The following MMP26 variants were observed in gnomAD, a reference collection of about 807,000 sequenced individuals.
The protein encoded by MMP26 is matrix metalloproteinase-26.
Under a neutral mutation model 31.0 loss-of-function variants are expected in MMP26, and 33 were observed. That is an observed-to-expected ratio of 1.06 (90% confidence interval 0.81 to 1.42). The LOEUF is 1.42. Among genes scored for constraint, MMP26 ranks in the 40% most tolerant of loss-of-function variants. The pLI is 0.00. For missense variants in MMP26, 347 were observed against 316.1 expected (o/e 1.10, Z -0.74); for synonymous variants, 122 against 114.9 (o/e 1.06, Z -0.40).
rs113134687 is a variant in MMP26, at chr11:4,917,700, C to T, written c.-144-70368C>T. 1.1e-4 allele frequency among the ~76,000 whole-genome samples: 16 copies of T among 152,226 alleles called. 1 individual carries two copies. The highest frequency in any genetic ancestry group is 3.9e-4 in the African/African-American group (16 of 41,550). ...GAAAAGCTGTGATAAACTTACCTGT[C>T]AGGGACAGACAAGCTACATATTGGG... On this transcript the variant is annotated intron_variant, in intron 2 of 7. Transcript: ENST00000380390.
At chr11:4,844,501 C>T (rs912444768) in intron 2 of MMP26, among the ~76,000 whole-genome samples, 4 of 151,990 alleles carry the variant, frequency 2.6e-5, no homozygotes, top group African/African-American at 7.2e-5. Flanking sequence ...AATGTTGATG[C>T]AAAAATCCTC....
At chr11:4,820,342 G>A (rs372625755) in intron 2 of MMP26, among the ~76,000 whole-genome samples, 7 of 152,170 alleles carry the variant, frequency 4.6e-5, no homozygotes, top group African/African-American at 1.7e-4. Context: ...TTATGGATAT[G>A]AAGATAATTG....
At chr11:4,887,708 T>G (rs1170440669) in intron 2 of MMP26, among the ~76,000 whole-genome samples, 1 of 152,110 alleles carries the variant, frequency 6.6e-6, no homozygotes, top group Non-Finnish European at 1.5e-5. Context: ...TCAAAGCAAG[T>G]TGGGAAATGT....
At chr11:4,747,952 CA>C (rs1444285862) in intron 1 of MMP26, among the ~76,000 whole-genome samples, 18 of 151,896 alleles carry the variant, frequency 1.2e-4, no homozygotes, top group African/African-American at 4.3e-4. Flanking sequence ...AAGATCTGAG[CA>C]GAACTAAATG....
At chr11:4,942,786 C>T (rs1202636466) in intron 2 of MMP26, 1 of 152,144 alleles carries the variant, frequency 6.6e-6, no homozygotes. Context: ...GGTACACACA[C>T]ATAGACCCAC....
intron 1 of MMP26, chr11:4,718,547 T>C (rs886868932): frequency 6.5e-6 from 1 of 152,752 alleles, no homozygotes. Context: ...ATTAAATGCA[T>C]AATAAACAAA....
chr11:4,991,736 C>T (rs1847006539), intron 6 of MMP26, among the ~76,000 whole-genome samples: 1 of 152,026 alleles, frequency 6.6e-6, no homozygotes, highest in Non-Finnish European at 1.5e-5. Context: ...TTGCCAGTCC[C>T]TCTTTCTTTC....
intron 2 of MMP26, among the ~76,000 whole-genome samples, chr11:4,771,032 A>G (rs925576264): frequency 1.3e-5 from 2 of 152,166 alleles, no homozygotes; most frequent in Non-Finnish European, 2.9e-5. Flanking sequence ...AAGTATTAGC[A>G]GTGGAGGTAC....
At chr11:4,853,949 A>G (rs999513586) in intron 2 of MMP26, among the ~76,000 whole-genome samples, 1 of 152,240 alleles carries the variant, frequency 6.6e-6, no homozygotes, top group Non-Finnish European at 1.5e-5. Context: ...TGTGGAATTT[A>G]TGCGTAAGTG....
intron 2 of MMP26, among the ~76,000 whole-genome samples, chr11:4,957,601 A>G (rs970237754): frequency 1.3e-5 from 2 of 151,056 alleles, no homozygotes; most frequent in African/African-American, 4.9e-5. Flanking sequence ...TCCACCTTAC[A>G]CTCCCACACC....
intron 2 of MMP26, among the ~76,000 whole-genome samples, chr11:4,901,225 C>T (rs1589933379): frequency 7.7e-6 from 1 of 129,642 alleles, no homozygotes; most frequent in Admixed American, 9.1e-5. Flanking sequence ...GTGGCGTGAT[C>T]TCCGCTCACT....
intron 1 of MMP26, among the ~76,000 whole-genome samples, chr11:4,726,579 C>G (rs1848103591): frequency 6.6e-6 from 1 of 152,192 alleles, no homozygotes; most frequent in African/African-American, 2.4e-5. Context: ...GCCAATGAAG[C>G]TTCTCTCTAG....
Position 4,944,003 on chromosome 11 carries a change from C to T in MMP26, c.-144-44065C>T, listed in dbSNP as rs75781771. 4,020 of 419,772 alleles carry T rather than the reference C, an allele frequency of 9.6e-3. 153 individuals are homozygous for T. Among genetic ancestry groups the T allele is most frequent in the African/African-American group, 0.075 (3,642 of 48,280 alleles). 26.0% of individuals were successfully genotyped at this position (419,772 alleles called of 1,614,324 possible). A position where few individuals can be genotyped will look rare whatever the true frequency, so the allele number is the denominator to read the frequency against. Reference sequence around the variant, plus strand: ...AAATGAAGTCTTCATATTGGGCTGCCTATCCGCACACTGGGAGAATATGAG... The same window carrying T: ...AAATGAAGTCTTCATATTGGGCTGCTTATCCGCACACTGGGAGAATATGAG... On this transcript the variant is annotated intron_variant, in intron 2 of 7. Transcript: ENST00000380390.
chr11:4,955,928 G>T (rs1448100888), intron 2 of MMP26, among the ~76,000 whole-genome samples: 10 of 152,206 alleles, frequency 6.6e-5, no homozygotes, highest in Non-Finnish European at 1.3e-4. Context: ...AGTAGAATCT[G>T]TCTATTAATG....
At chr11:4,758,854 G>A (rs1210278769) in intron 1 of MMP26, among the ~76,000 whole-genome samples, 1 of 152,052 alleles carries the variant, frequency 6.6e-6, no homozygotes, top group African/African-American at 2.4e-5. Context: ...GCTCACACCT[G>A]TAATCCCAGC....
intron 2 of MMP26, among the ~76,000 whole-genome samples, chr11:4,888,728 T>C (rs1850577210): frequency 6.6e-6 from 1 of 152,152 alleles, no homozygotes; most frequent in Non-Finnish European, 1.5e-5. Flanking sequence ...GGCAAAAGAA[T>C]TCCTGGTTCT....
At chr11:4,963,874 G>T (rs1397977254) in intron 2 of MMP26, among the ~76,000 whole-genome samples, 2 of 152,118 alleles carry the variant, frequency 1.3e-5, no homozygotes, top group Non-Finnish European at 2.9e-5. Flanking sequence ...CAGTGAGGTT[G>T]AGCTTTTTTT....
At chr11:4,977,363 C>T (rs1846752063) in intron 2 of MMP26, among the ~76,000 whole-genome samples, 1 of 152,070 alleles carries the variant, frequency 6.6e-6, no homozygotes, top group Non-Finnish European at 1.5e-5. Context: ...CTAAAATGAT[C>T]CCACTTCAGA....
At chr11:4,905,923 T>G (rs1429791825) in intron 2 of MMP26, among the ~76,000 whole-genome samples, 3 of 152,192 alleles carry the variant, frequency 2.0e-5, no homozygotes, top group African/African-American at 7.2e-5. Flanking sequence ...AATGCTTCAT[T>G]TCCAACAGAA....
Sources: allele counts gnomAD v4.1 joint callset (sites outside exome capture counted in the v4.1 genomes callset), GRCh38; gene constraint gnomAD v4.1.1; transcripts MANE v1.5; gene names NCBI Gene and HGNC (gene_info 2026-07-23, HGNC 2026-07-21).